Variants in ARFIP1 observed in about 807,000 individuals in gnomAD.
ARFIP1 encodes arfaptin-1.
A neutral mutation model predicts 42.5 loss-of-function variants in ARFIP1; 24 were observed. The observed-to-expected ratio is 0.57, with a 90% CI of 0.41 to 0.80. ARFIP1 has a LOEUF of 0.80. Among genes scored for constraint, ARFIP1 ranks in the 30% least tolerant of loss-of-function variants. ARFIP1 has a pLI of 0.00. For synonymous variants in ARFIP1, 141 were observed against 153.7 expected (o/e 0.92, Z 0.61); for missense variants, 354 against 434.0 (o/e 0.82, Z 1.64).
chr4:152,904,539 C>T (rs893317423), intron 8 of ARFIP1, among the ~76,000 whole-genome samples: 2 of 152,030 alleles, frequency 1.3e-5, no homozygotes, highest in African/African-American at 4.8e-5. Context: ...TATCCTGATG[C>T]TCTCCCTCCT....
At chr4:152,848,190 G>A (rs990755074) in intron 2 of ARFIP1, among the ~76,000 whole-genome samples, 1 of 152,272 alleles carries the variant, frequency 6.6e-6, no homozygotes, top group East Asian at 1.9e-4. Context: ...TTAAATAGCT[G>A]TACCAAAAGC....
At position 152,907,216 on chromosome 4, in the gene ARFIP1, A is replaced by T. The variant is rs559813490; in HGVS notation, c.967-2848A>T. On this transcript the variant is annotated intron_variant, in intron 8 of 8. Transcript: ENST00000353617. ...AACAGTATGACCCTGTGTAATATTT[A>T]TTATATGAATGGAGGTAAGTAACAT... 3.3e-5 allele frequency among the ~76,000 whole-genome samples: 5 copies of T among 152,342 alleles called. No individual in the cohort carries two copies. In the South Asian group the frequency reaches 1.0e-3, roughly 32 times the overall value.
At chr4:152,823,776 CAAAAAAAAAA>C (rs66556811) in intron 1 of ARFIP1, among the ~76,000 whole-genome samples, 27 of 63,146 alleles carry the variant, frequency 4.3e-4, no homozygotes, top group African/African-American at 1.4e-3. Flanking sequence ...GTCTCCATCT[CAAAAAAAAAA>C]AAAAAAAAAA....
chr4:152,834,351 T>C (rs1731480487), intron 2 of ARFIP1, among the ~76,000 whole-genome samples: 1 of 152,188 alleles, frequency 6.6e-6, no homozygotes, highest in African/African-American at 2.4e-5. Flanking sequence ...CCTAAAGTCT[T>C]AACTCATTCC....
chr4:152,809,192 C>A (rs558074980), intron 1 of ARFIP1, among the ~76,000 whole-genome samples: 96 of 152,292 alleles, frequency 6.3e-4, no homozygotes, highest in African/African-American at 2.3e-3. Context: ...TTATATAGGG[C>A]ATGCTTATAG....
chr4:152,786,058 T>C (rs1730785963), intron 1 of ARFIP1, among the ~76,000 whole-genome samples: 1 of 152,254 alleles, frequency 6.6e-6, no homozygotes, highest in South Asian at 2.1e-4. Flanking sequence ...GTTTTTGTTT[T>C]AGCTGATGAA....
chr4:152,818,723 T>A (rs545162627), intron 1 of ARFIP1, among the ~76,000 whole-genome samples: 1 of 152,302 alleles, frequency 6.6e-6, no homozygotes, highest in East Asian at 1.9e-4. Context: ...GTTGGTGGCC[T>A]GGGGGCAGTT....
At chr4:152,861,032 A>G (rs762962505) in intron 2 of ARFIP1, among the ~76,000 whole-genome samples, 2 of 152,228 alleles carry the variant, frequency 1.3e-5, no homozygotes, top group Non-Finnish European at 2.9e-5. Context: ...AAAATGCTTT[A>G]GTAAAAATAT....
At chr4:152,905,044 C>T (rs1311905413) in intron 8 of ARFIP1, among the ~76,000 whole-genome samples, 1 of 152,194 alleles carries the variant, frequency 6.6e-6, no homozygotes, top group Non-Finnish European at 1.5e-5. Context: ...TTCTCCACAG[C>T]CTTCCCAGCA....
chr4:152,804,066 AATATATATT>A (rs1432723272), intron 1 of ARFIP1, among the ~76,000 whole-genome samples: 2 of 114,442 alleles, frequency 1.7e-5, no homozygotes, highest in African/African-American at 6.7e-5. Flanking sequence ...TATAACATGT[AATATATATT>A]ATATATAATA....
At chr4:152,884,244 C>G (rs982968792) in intron 7 of ARFIP1, among the ~76,000 whole-genome samples, 8 of 151,824 alleles carry the variant, frequency 5.3e-5, no homozygotes, top group African/African-American at 1.9e-4. Context: ...AGTAAGATAG[C>G]CTTCCGTGGA....
At position 152,789,080 on chromosome 4, in the gene ARFIP1, C is replaced by CTTT. The variant is rs71598215; in HGVS notation, c.-10+8880_-10+8882dup. ...CATCACATCATATCAAGAATACAGA[C>CTTT]TTTTTTTTTTTTTTTTTTTTTTTTT... On this transcript the variant is annotated intron_variant, in intron 1 of 8. Coordinates refer to ENST00000353617, the MANE Select transcript of ARFIP1 (RefSeq NM_001025595.3). Among the ~76,000 whole-genome samples, 13 of 71,860 alleles carry CTTT rather than the reference C, an allele frequency of 1.8e-4. 1 individual carries two copies. The highest frequency in any genetic ancestry group is 2.9e-4 in the Non-Finnish European group (11 of 38,050). 47.1% of individuals were successfully genotyped at this position (71,860 alleles called of 152,430 possible).
chr4:152,885,504 A>T (rs1015493411), intron 7 of ARFIP1, among the ~76,000 whole-genome samples: 1 of 151,966 alleles, frequency 6.6e-6, no homozygotes, highest in African/African-American at 2.4e-5. Flanking sequence ...AACTTTGTTG[A>T]TACGGACTCA....
At chr4:152,906,880 A>G (rs1202802663) in intron 8 of ARFIP1, among the ~76,000 whole-genome samples, 1 of 152,124 alleles carries the variant, frequency 6.6e-6, no homozygotes, top group Non-Finnish European at 1.5e-5. Context: ...TGAACTTGCT[A>G]TTTCCTCTGT....
intron 3 of ARFIP1, 70 bp downstream of exon 3, chr4:152,863,784 A>T (rs1734086783): frequency 1.0e-6 from 1 of 954,254 alleles, no homozygotes. Flanking sequence ...TGCTACCTTT[A>T]TTAATAAAGC....
intron 1 of ARFIP1, among the ~76,000 whole-genome samples, chr4:152,783,832 CTGG>C (rs1730642298): frequency 6.6e-6 from 1 of 151,752 alleles, no homozygotes; most frequent in Non-Finnish European, 1.5e-5. Context: ...ATATAAGTCT[CTGG>C]TGTGTGTGTG....
rs1421486548 is a variant in ARFIP1, at chr4:152,911,970, AT to A, written c.*1752del. On this transcript the variant is annotated 3_prime_UTR_variant, in exon 9 of 9. Transcript: ENST00000353617. ...AACTATTTGGAAATTCTGAAGACAC[AT>A]AATTTGCGTTTTCTGAACCTTAAAA... 6.6e-6 allele frequency: 1 copy of A among 152,548 alleles called. No homozygotes were observed. Among genetic ancestry groups the A allele is most frequent in the Non-Finnish European group, 1.5e-5 (1 of 67,996 alleles). 9.4% of individuals were successfully genotyped at this position (152,548 alleles called of 1,614,324 possible).
At chr4:152,845,402 C>T (rs1291319361) in intron 2 of ARFIP1, among the ~76,000 whole-genome samples, 1 of 152,152 alleles carries the variant, frequency 6.6e-6, no homozygotes, top group African/African-American at 2.4e-5. Flanking sequence ...AAACTACCAA[C>T]ACAGTAAACA....
chr4:152,816,313 C>G (rs1189188410), intron 1 of ARFIP1, among the ~76,000 whole-genome samples: 1 of 152,218 alleles, frequency 6.6e-6, no homozygotes, highest in Non-Finnish European at 1.5e-5. Context: ...CACACACGTT[C>G]TTGCCACTGG....
Sources: gnomAD v4.1 joint callset for allele counts (sites outside exome capture counted in the v4.1 genomes callset) on GRCh38, gnomAD v4.1.1 for gene constraint, MANE v1.5 for transcripts, NCBI Gene and HGNC (gene_info 2026-07-23, HGNC 2026-07-21) for gene names.